Variants in NDST2 observed in about 807,000 individuals in gnomAD.
NDST2 encodes the protein N-deacetylase and N-sulfotransferase 2, also known as bifunctional heparan sulfate N-deacetylase/N-sulfotransferase 2.
Under a neutral mutation model 86.9 loss-of-function variants are expected in NDST2, and 32 were observed. The ratio of observed to expected loss-of-function variants is 0.37; its 90% CI spans 0.28 to 0.49. NDST2 has a LOEUF of 0.49. Ranked by LOEUF, NDST2 falls within the 20% of genes least tolerant of loss-of-function variation. The pLI is 0.97. For synonymous variants in NDST2, 409 were observed against 437.0 expected (o/e 0.94, Z 0.80); for missense variants, 950 against 1,146.9 (o/e 0.83, Z 2.48).
At position 73,805,593 on chromosome 10, in the gene NDST2, A is replaced by G. The variant is rs757927944; in HGVS notation, c.1740T>C (p.Leu580=). The G allele has an allele frequency of 6.2e-7, 1 of 1,614,054 alleles. No homozygotes were observed. Among genetic ancestry groups the G allele is most frequent in the South Asian group, 1.1e-5 (1 of 91,060 alleles). ...GACTGAGCTCCACCTTTACCTGCCAAAGGGGGCTTCGCTCCTGAGGGAAAA... is the reference window on the plus strand; with the variant it reads ...GACTGAGCTCCACCTTTACCTGCCAGAGGGGGCTTCGCTCCTGAGGGAAAA... ...FELFPQERSP[L]WQNPCDDKRH... Residue 580 remains leucine, a synonymous_variant, in exon 8 of 15, where the codon CTT becomes CTC. Transcript: ENST00000309979.
chr10:73,802,701 GCCTTTGCT>G lies in NDST2; in HGVS notation c.2491_2498del (p.Ser831ProfsTer9). 1 of 1,613,958 alleles carries G rather than the reference GCCTTTGCT, an allele frequency of 6.2e-7. No homozygotes were observed. Among genetic ancestry groups the G allele is most frequent in the Non-Finnish European group, 8.5e-7 (1 of 1,179,858 alleles). ...CAGTGTCCATATCTGGATACCTCCG[GCCTTTGCT>G]CCGGCCTAGACAGCGAGTCTTACCA... is the stretch of plus-strand genomic sequence containing the variant. On this transcript the variant is annotated frameshift_variant, in exon 14 of 15. Transcript: ENST00000309979. LOFTEE classifies it high-confidence loss of function.
In NDST2 at chr10:73,803,425, T is replaced by C. The variant is rs1158205559; in HGVS notation, c.2143-66A>G. The C allele has an allele frequency of 1.9e-6, 3 of 1,592,494 alleles. No individual in the cohort carries two copies. In the African/African-American group the frequency reaches 4.0e-5, roughly 21 times the overall value. On this transcript the variant is annotated intron_variant, in intron 11 of 14. Coordinates refer to ENST00000309979, the MANE Select transcript of NDST2 (RefSeq NM_003635.4). ...GACAGTATTCTGCCCTTACGCTTGG[T>C]CTGGAGACAGACAGCACAGCACGGG...
At position 73,808,183 on chromosome 10, in the gene NDST2, G is replaced by A; in HGVS notation, c.206C>T (p.Pro69Leu). The A allele has an allele frequency of 3.7e-6, 6 of 1,614,086 alleles. No individual in the cohort carries two copies. Among genetic ancestry groups the A allele is most frequent in the Middle Eastern group, 1.6e-4 (1 of 6,062 alleles). ...AGGCCTGGGGGGCCGAGGTGGAACT[G>A]GAGGCCGTGCAGGGCCAGGACCAGC... Reference protein sequence around the residue: ...GAAGPGPARPPVPPRPPRPPE... With the variant: ...GAAGPGPARPLVPPRPPRPPE... The change falls in exon 3 of 15, where the codon CCA becomes CTA. Residue 69 changes from proline (P) to leucine (L), a missense_variant. Around this residue, in one of 5 missense-constraint regions of NDST2, gnomAD observed 586 missense variants for 714.0 expected, o/e 0.82. Transcript: ENST00000309979. The surrounding 1 kb of genome is among the most constrained non-coding windows in gnomAD (Gnocchi z 4.3).
At position 73,808,262 on chromosome 10, in the gene NDST2, T is replaced by A; in HGVS notation, c.127A>T (p.Lys43Ter). The A allele has an allele frequency of 6.2e-7, 1 of 1,605,748 alleles. No homozygotes were observed. Among genetic ancestry groups the A allele is most frequent in the Non-Finnish European group, 8.5e-7 (1 of 1,176,250 alleles). Residue 43 changes from lysine (K) to a stop codon, truncating the protein, a stop_gained, in exon 3 of 15, where the codon AAG becomes TAG. Transcript: ENST00000309979. LOFTEE classifies it high-confidence loss of function. The surrounding 1 kb of genome is among the most constrained non-coding windows in gnomAD (Gnocchi z 4.3). ...GGCAGGGGCAAGGGTTCCTTGGCCT[T>A]AGGGCTGGTGGACACATAATAAGCC... ...FLAYYVSTSPKAKEPLPLPLG... is the reference protein window; with the variant it reads ...FLAYYVSTSP
chr10:73,803,429 GAGAC>G (rs1051496247), intron 11 of NDST2, 70 bp from the exon 12 acceptor site: 131 of 1,583,076 alleles, frequency 8.3e-5, no homozygotes, highest in African/African-American at 7.0e-4. Context: ...GCTTGGTCTG[GAGAC>G]AGACAGCACA....
Position 73,808,092 on chromosome 10 carries a change from C to A in NDST2, c.297G>T (p.Gly99=). The stretch of plus-strand genomic sequence containing the variant: ...ACTCCAGGATGGCCACAATTTCCTG[C>A]CCCAGCTGTGAGTATGCACTCTCCA... ...VFVESAYSQL[G]QEIVAILESS... is the part of the protein sequence containing the mutation. Residue 99 remains glycine (G), a synonymous_variant, in exon 3 of 15, where the codon GGG becomes GGT. Transcript: ENST00000309979. The surrounding 1 kb of genome is among the most constrained non-coding windows in gnomAD (Gnocchi z 4.3). 6.2e-7 allele frequency: 1 copy of A among 1,614,242 alleles called. No homozygotes were observed. Among genetic ancestry groups the A allele is most frequent in the Admixed American group, 1.7e-5 (1 of 60,034 alleles).
intron 1 of NDST2, 112 bp from the exon 2 acceptor site, chr10:73,811,015 T>C (rs1295322243): frequency 2.6e-6 from 1 of 389,968 alleles, no homozygotes; most frequent in African/African-American, 2.1e-5. Context: ...GGGAGATCTC[T>C]GAGGACGGCG....
At position 73,807,716 on chromosome 10, in the gene NDST2, C is replaced by T. The variant is rs376139162; in HGVS notation, c.673G>A (p.Asp225Asn). Residue 225 changes from aspartate to asparagine, a missense_variant, in exon 3 of 15, where the codon GAT (aspartate) becomes AAT (asparagine). Around this residue, in one of 5 missense-constraint regions of NDST2, gnomAD observed 586 missense variants for 714.0 expected, o/e 0.82. Transcript: ENST00000309979. ...SRLEPGPLPGDDWTIFQSNHS... is the reference protein window; with the variant it reads ...SRLEPGPLPGNDWTIFQSNHS... ...TTGGATTGGAAGATGGTCCAGTCATCACCAGGCAGTGGCCCTGGTTCTAGG... is the reference window on the plus strand; with the variant it reads ...TTGGATTGGAAGATGGTCCAGTCATTACCAGGCAGTGGCCCTGGTTCTAGG... 2.5e-6 allele frequency: 4 copies of T among 1,614,172 alleles called. No individual in the cohort carries two copies. Among genetic ancestry groups the T allele is most frequent in the East Asian group, 2.2e-5 (1 of 44,890 alleles).
At position 73,807,723 on chromosome 10, in the gene NDST2, C is replaced by G; in HGVS notation, c.666G>C (p.Leu222=). 1 of 1,614,172 alleles carries G rather than the reference C, an allele frequency of 6.2e-7. No homozygotes were observed. The highest frequency in any genetic ancestry group is 2.2e-5 in the East Asian group (1 of 44,886). The change falls in exon 3 of 15, where the codon CTG becomes CTC. Residue 222 remains leucine (L), a synonymous_variant. Coordinates refer to ENST00000309979, the MANE Select transcript of NDST2 (RefSeq NM_003635.4). ...GGAAGATGGTCCAGTCATCACCAGG[C>G]AGTGGCCCTGGTTCTAGGCGGCTGG... ...TRPSRLEPGP[L]PGDDWTIFQS...
At position 73,808,227 on chromosome 10, in the gene NDST2, G is replaced by A. The variant is rs1289550375; in HGVS notation, c.162C>T (p.Asp54=). 6.2e-7 allele frequency: 1 copy of A among 1,612,436 alleles called. No individual in the cohort carries two copies. Among genetic ancestry groups the A allele is most frequent in the Non-Finnish European group, 8.5e-7 (1 of 1,179,168 alleles). The change falls in exon 3 of 15, where the codon GAC becomes GAT. Residue 54 remains aspartate, a synonymous_variant. Transcript: ENST00000309979. The surrounding 1 kb of genome is among the most constrained non-coding windows in gnomAD (Gnocchi z 4.3). ...GACCAGCTGCCCCACCGCTGCTGCA[G>A]TCTCCCAAGGGCAGGGGCAAGGGTT... ...AKEPLPLPLG[D]CSSGGAAGPG... is the part of the protein sequence containing the mutation.
rs773807263 is a variant in NDST2, at chr10:73,803,915, T to C, written c.1945A>G (p.Asn649Asp). 2 of 1,614,144 alleles carry C rather than the reference T, an allele frequency of 1.2e-6. No individual in the cohort carries two copies. The highest frequency in any genetic ancestry group is 1.7e-6 in the Non-Finnish European group (2 of 1,180,018). ...CACCAGTCAATACCCTTGTGGTAAT[T>C]AGGGCTGTTGAAGAACTGAATCTCC... ...FEEIQFFNSP[N>D]YHKGIDWYMD... is the part of the protein sequence containing the mutation. The change falls in exon 10 of 15, where the codon AAT becomes GAT. Residue 649 changes from asparagine (N) to aspartate (D), a missense_variant. Physicochemically the swap from Asn to Asp is conservative, Grantham distance 23. Transcript: ENST00000309979.
rs201445239 is a variant in NDST2, at chr10:73,802,436, T to C, written c.*15A>G. 1 of 1,612,220 alleles carries C rather than the reference T, an allele frequency of 6.2e-7. No homozygotes were observed. The highest frequency in any genetic ancestry group is 8.5e-7 in the Non-Finnish European group (1 of 1,179,996). On this transcript the variant is annotated 3_prime_UTR_variant, in exon 15 of 15. Transcript: ENST00000309979. ...GGAAGCAGGGGGCATTTTGCTGGTA[T>C]GGGAGGCTGGGACATCAGCCCAGAC...
rs752465330 is a variant in NDST2 at position 73,808,031 on chromosome 10, C to T, written c.358G>A (p.Gly120Ser). The stretch of plus-strand genomic sequence containing the variant: ...GTCAATGTGGGCATGTCCCCTCGGC[C>T]AGGTGCCAACTCAGTGCTATAACGA... Reference protein sequence around the residue: ...RFRYSTELAPGRGDMPTLTDN... With the variant: ...RFRYSTELAPSRGDMPTLTDN... Residue 120 changes from glycine to serine, a missense_variant, in exon 3 of 15, where the codon GGC (glycine) becomes AGC (serine). Around this residue, in one of 5 missense-constraint regions of NDST2, gnomAD observed 586 missense variants for 714.0 expected, o/e 0.82. Transcript: ENST00000309979. The surrounding 1 kb of genome is among the most constrained non-coding windows in gnomAD (Gnocchi z 4.3). 6.2e-7 allele frequency: 1 copy of T among 1,614,240 alleles called. No homozygotes were observed. Among genetic ancestry groups the T allele is most frequent in the Non-Finnish European group, 8.5e-7 (1 of 1,180,050 alleles).
At position 73,802,135 on chromosome 10, in the gene NDST2, T is replaced by C. The variant is rs151171026; in HGVS notation, c.*316A>G. On this transcript the variant is annotated 3_prime_UTR_variant, in exon 15 of 15. Transcript: ENST00000309979. ...GCCAGGTATAGAATAGATACACTGC[T>C]GCGGATGAAGAGGGAAATCTCATTG... 64 of 450,766 alleles carry C rather than the reference T, an allele frequency of 1.4e-4. No individual in the cohort carries two copies. The highest frequency in any genetic ancestry group is 2.3e-4 in the Non-Finnish European group (58 of 247,704). The allele number at this position is 450,766 out of a possible 1,614,324, so 27.9% of individuals were successfully genotyped here. A position where few individuals can be genotyped will look rare whatever the true frequency, so the allele number is the denominator to read the frequency against.
At position 73,802,200 on chromosome 10, in the gene NDST2, T is replaced by C. The variant is rs2083995023; in HGVS notation, c.*251A>G. ...CCTACACCCTGCCTGGACCCTCTCA[T>C]TCCTCCCCACCTCCCAAGATGATGG... On this transcript the variant is annotated 3_prime_UTR_variant, in exon 15 of 15. Transcript: ENST00000309979. 1 of 577,242 alleles carries C rather than the reference T, an allele frequency of 1.7e-6. No individual in the cohort carries two copies. Among genetic ancestry groups the C allele is most frequent in the Non-Finnish European group, 3.1e-6 (1 of 324,810 alleles). The allele number at this position is 577,242 out of a possible 1,614,324, so 35.8% of individuals were successfully genotyped here. A position where few individuals can be genotyped will look rare whatever the true frequency, so the allele number is the denominator to read the frequency against.
chr10:73,803,117 TAAG>T (rs2084028619), intron 12 of NDST2, 36 bp from the exon 13 acceptor site: 1 of 1,613,712 alleles, frequency 6.2e-7, no homozygotes. Context: ...TCTATATTCC[TAAG>T]AAGCCTCTGG....
chr10:73,810,891 T>G lies in NDST2; in HGVS notation c.-434A>C. 2.5e-6 allele frequency: 1 copy of G among 399,126 alleles called. No individual in the cohort carries two copies. The highest frequency in any genetic ancestry group is 4.4e-6 in the Non-Finnish European group (1 of 226,100). The allele number at this position is 399,126 out of a possible 1,614,324, so 24.7% of individuals were successfully genotyped here. The stretch of plus-strand genomic sequence containing the variant: ...AGAGCCGCGTTCTTAGCCGCTGCAT[T>G]TTAGCTTCATACCTGGAAGAAGCAG... On this transcript the variant is annotated 5_prime_UTR_variant, in exon 2 of 15. Transcript: ENST00000309979.
intron 2 of NDST2, among the ~76,000 whole-genome samples, chr10:73,809,660 C>T (rs540246266): frequency 4.3e-4 from 66 of 152,336 alleles, no homozygotes; most frequent in African/African-American, 1.4e-3. Flanking sequence ...GAGCTTAAGT[C>T]ACATCCAACC....
chr10:73,807,044 G>A, intron 4 of NDST2, 64 bp downstream of exon 4: 8 of 1,501,056 alleles, frequency 5.3e-6, no homozygotes, highest in Admixed American at 1.7e-5. Flanking sequence ...TCTGCCCAGG[G>A]AGGTGGACAG....
Sources: gnomAD v4.1 joint callset for allele counts (sites outside exome capture counted in the v4.1 genomes callset) on GRCh38, gnomAD v4.1.1 for gene constraint, gnomAD v4.1.1 regional missense constraint, Gnocchi (gnomAD v3.1) non-coding constraint, MANE v1.5 for transcripts, NCBI Gene and HGNC (gene_info 2026-07-23, HGNC 2026-07-21) for gene names.